CACNA1E: variants seen among roughly 807,000 people sequenced by gnomAD.
CACNA1E encodes calcium voltage-gated channel subunit alpha1 E, also known as voltage-dependent R-type calcium channel subunit alpha-1E.
Under a neutral mutation model 259.2 loss-of-function variants are expected in CACNA1E, and 40 were observed. That is an observed-to-expected ratio of 0.15 (90% CI 0.12 to 0.20). The LOEUF (loss-of-function observed/expected upper bound fraction) is 0.20, where lower values mean the gene tolerates loss of function less well. Among genes scored for constraint, CACNA1E ranks in the 10% least tolerant of loss-of-function variants. The probability of loss-of-function intolerance (pLI) is 1.00; values close to 1 mark genes in which losing one functional copy is unlikely to be tolerated. For synonymous variants in CACNA1E, 1,104 were observed against 1,138.5 expected (o/e 0.97, Z 0.61); for missense variants, 1,874 against 3,040.1 (o/e 0.62, Z 9.02).
chr1:181,575,722 C>T (rs1650903082), intron 3 of CACNA1E, among the ~76,000 whole-genome samples: 1 of 152,142 alleles, frequency 6.6e-6, no homozygotes, highest in South Asian at 2.1e-4. Flanking sequence ...TAATTTCTAA[C>T]TCATATTCTG....
At chr1:181,745,889 T>C (rs897266752) in intron 25 of CACNA1E, among the ~76,000 whole-genome samples, 1 of 152,200 alleles carries the variant, frequency 6.6e-6, no homozygotes, top group Non-Finnish European at 1.5e-5. Context: ...TCCTGCTGCT[T>C]CTCAGTGTTT....
At chr1:181,610,453 T>C (rs753296490) in intron 6 of CACNA1E, among the ~76,000 whole-genome samples, 3 of 152,242 alleles carry the variant, frequency 2.0e-5, no homozygotes, top group Admixed American at 6.5e-5. Flanking sequence ...GCGTGGTCTA[T>C]AAAAGACAGC....
At chr1:181,646,550 G>T (rs1658282861) in intron 6 of CACNA1E, among the ~76,000 whole-genome samples, 1 of 152,174 alleles carries the variant, frequency 6.6e-6, no homozygotes, top group South Asian at 2.1e-4. Flanking sequence ...TCAGTCATAG[G>T]CAATTCAGCC....
At chr1:181,688,923 G>A (rs1650854805) in intron 7 of CACNA1E, among the ~76,000 whole-genome samples, 1 of 152,114 alleles carries the variant, frequency 6.6e-6, no homozygotes, top group Non-Finnish European at 1.5e-5. Flanking sequence ...CTTGTGCTTA[G>A]CTTATTCTAT....
chr1:181,564,360 AT>A (rs1395182840), intron 3 of CACNA1E, among the ~76,000 whole-genome samples: 1 of 152,190 alleles, frequency 6.6e-6, no homozygotes, highest in Non-Finnish European at 1.5e-5. Context: ...TCAGGAGTAG[AT>A]TTTACCTCAA....
chr1:181,431,586 C>T (rs554843950), intron 2 of CACNA1E, among the ~76,000 whole-genome samples: 2 of 152,306 alleles, frequency 1.3e-5, no homozygotes, highest in African/African-American at 4.8e-5. Flanking sequence ...TGTTACTTAA[C>T]ACAGGTATCA....
intron 7 of CACNA1E, among the ~76,000 whole-genome samples, chr1:181,665,388 A>T (rs1648118783): frequency 1.3e-5 from 2 of 152,214 alleles, no homozygotes; most frequent in Admixed American, 6.5e-5. Context: ...GAGTGACTAC[A>T]TTTAAACTTA....
chr1:181,604,231 A>C lies in CACNA1E; in HGVS notation c.951+23455A>C, dbSNP rs150725580. Among the ~76,000 whole-genome samples, 392 of 152,060 alleles carry C rather than the reference A, an allele frequency of 2.6e-3. 3 individuals are homozygous for C. The highest frequency in any genetic ancestry group is 5.6e-3 in the South Asian group (27 of 4,808). On this transcript the variant is annotated intron_variant, in intron 6 of 47. Transcript: ENST00000367573. ...CAACCTTGTCTCAGACTGGGGTCCC[A>C]CTCACCACCAGGGCGTGAGCTTTTG...
At chr1:181,562,369 G>T (rs1190916363) in intron 3 of CACNA1E, among the ~76,000 whole-genome samples, 1 of 152,124 alleles carries the variant, frequency 6.6e-6, no homozygotes. Context: ...GAATTTGTTT[G>T]ATTATAATGC....
chr1:181,731,089 C>A, intron 18 of CACNA1E, 86 bp from the exon 19 acceptor site: 1 of 1,033,380 alleles, frequency 9.7e-7, no homozygotes, highest in Non-Finnish European at 1.5e-6. Context: ...GACTCCCTGT[C>A]TCCCTCTGGA....
chr1:181,323,005 T>A (rs901489091), intron 1 of CACNA1E, among the ~76,000 whole-genome samples: 2 of 152,156 alleles, frequency 1.3e-5, no homozygotes, highest in Non-Finnish European at 2.9e-5. Flanking sequence ...ATTTCTAACC[T>A]GGGTAAAAAA....
At chr1:181,395,645 C>T (rs6687906) in intron 1 of CACNA1E, among the ~76,000 whole-genome samples, 72,964 of 152,000 alleles carry the variant, frequency 0.48, 17,896 homozygotes, top group East Asian at 0.55. Context: ...CAAGAACCTC[C>T]TCCTGGGTTT....
intron 7 of CACNA1E, among the ~76,000 whole-genome samples, chr1:181,704,486 T>C (rs1173257995): frequency 6.6e-6 from 1 of 152,198 alleles, no homozygotes; most frequent in African/African-American, 2.4e-5. Flanking sequence ...GCAAAGACTT[T>C]ACAGGAACCT....
chr1:181,442,040 A>AC (rs1660507685), intron 2 of CACNA1E, among the ~76,000 whole-genome samples: 1 of 152,200 alleles, frequency 6.6e-6, no homozygotes, highest in Non-Finnish European at 1.5e-5. Flanking sequence ...TTTATAGCCC[A>AC]CACGGACCTT....
chr1:181,751,092 G>A (rs1338919770), intron 26 of CACNA1E, among the ~76,000 whole-genome samples: 8 of 152,142 alleles, frequency 5.3e-5, no homozygotes, highest in Admixed American at 5.2e-4. Flanking sequence ...TGGTGTAAGA[G>A]TAATCTGGGT....
chr1:181,568,933 C>T (rs1180648181), intron 3 of CACNA1E, among the ~76,000 whole-genome samples: 1 of 152,200 alleles, frequency 6.6e-6, no homozygotes, highest in Admixed American at 6.5e-5. Context: ...TGTCTACTCT[C>T]CCCTGATTCA....
At chr1:181,784,617 A>G in intron 40 of CACNA1E, 44 bp from the exon 41 acceptor site, 1 of 1,344,894 alleles carries the variant, frequency 7.4e-7, no homozygotes, top group Non-Finnish European at 1.0e-6. Context: ...AGTCCTGGTT[A>G]TTTCTGGGTC....
At chr1:181,462,380 G>T (rs1408273888) in intron 2 of CACNA1E, among the ~76,000 whole-genome samples, 6 of 152,184 alleles carry the variant, frequency 3.9e-5, no homozygotes, top group Non-Finnish European at 4.4e-5. Flanking sequence ...CACCCACAGT[G>T]AATGAGATTG....
At chr1:181,660,518 G>T (rs1169228709) in intron 7 of CACNA1E, among the ~76,000 whole-genome samples, 1 of 152,140 alleles carries the variant, frequency 6.6e-6, no homozygotes, top group Non-Finnish European at 1.5e-5. Context: ...CATTGTTGAG[G>T]ATAAAAAGAT....
Sources: allele counts gnomAD v4.1 joint callset (sites outside exome capture counted in the v4.1 genomes callset), GRCh38; gene constraint gnomAD v4.1.1; transcripts MANE v1.5; gene names NCBI Gene and HGNC (gene_info 2026-07-23, HGNC 2026-07-21).